Variants in LAD1 observed in about 807,000 individuals in gnomAD.
LAD1 encodes the protein ladinin 1, also known as ladinin-1.
In LAD1, 53 loss-of-function variants were observed where a neutral mutation model predicts 54.2. That is an observed-to-expected ratio of 0.98 (90% CI 0.78 to 1.23). The LOEUF is 1.23. Among genes scored for constraint, LAD1 ranks in the 50% most tolerant of loss-of-function variants. The pLI is 0.00. For missense variants in LAD1, 637 were observed against 653.3 expected (o/e 0.98, Z 0.27); for synonymous variants, 231 against 257.7 (o/e 0.90, Z 0.99).
In LAD1 at chr1:201,382,717, AC is replaced by A; in HGVS notation, c.1408del (p.Val470LeufsTer2). The A allele has an allele frequency of 1.2e-6, 2 of 1,606,464 alleles. No individual in the cohort carries two copies. Among genetic ancestry groups the A allele is most frequent in the Non-Finnish European group, 1.7e-6 (2 of 1,176,772 alleles). On this transcript the variant is annotated frameshift_variant, in exon 8 of 10. Coordinates refer to ENST00000391967, the MANE Select transcript of LAD1 (RefSeq NM_005558.4). LOFTEE classifies it high-confidence loss of function. ...SRKENLRLSGVVTSRLNLWIS... is the reference protein window; with the variant it reads ...SRKENLRLSGXVTSRLNLWIS... ...CCACAGGTTGAGCCTTGATGTCACAACCCCTGAGAGCCTCAAGTTCTCCTAA... is the reference window on the plus strand; with the variant it reads ...CCACAGGTTGAGCCTTGATGTCACAACCCTGAGAGCCTCAAGTTCTCCTAA...
At chr1:201,391,420 C>T (rs1468771069) in intron 1 of LAD1, among the ~76,000 whole-genome samples, 1 of 152,196 alleles carries the variant, frequency 6.6e-6, no homozygotes, top group African/African-American at 2.4e-5. Flanking sequence ...TACCTACCAC[C>T]TCCCACCAGC....
intron 1 of LAD1, among the ~76,000 whole-genome samples, chr1:201,397,687 A>G (rs571986478): frequency 1.2e-4 from 18 of 152,308 alleles, no homozygotes; most frequent in African/African-American, 4.1e-4. Context: ...TGAGGTCTTC[A>G]ATAAACAGTT....
intron 1 of LAD1, among the ~76,000 whole-genome samples, chr1:201,391,467 A>C (rs1271734346): frequency 3.3e-5 from 5 of 152,144 alleles, no homozygotes; most frequent in Admixed American, 3.3e-4. Flanking sequence ...CAGTCCAACC[A>C]AACAGCAAAT....
chr1:201,388,676 C>A (rs569274872), intron 2 of LAD1, among the ~76,000 whole-genome samples: 1 of 129,822 alleles, frequency 7.7e-6, no homozygotes, highest in African/African-American at 2.9e-5. Context: ...AGCGAGACTT[C>A]GTCTCAAAAA....
intron 2 of LAD1, among the ~76,000 whole-genome samples, chr1:201,388,261 G>C (rs1662133613): frequency 6.6e-6 from 1 of 152,134 alleles, no homozygotes; most frequent in African/African-American, 2.4e-5. Context: ...CATGGTGGCA[G>C]GTGCCTTTAA....
At chr1:201,394,879 AG>A (rs1387946135) in intron 1 of LAD1, among the ~76,000 whole-genome samples, 1 of 152,192 alleles carries the variant, frequency 6.6e-6, no homozygotes, top group Non-Finnish European at 1.5e-5. Context: ...TGGAGCCTCC[AG>A]GGTTCCTGGG....
intron 2 of LAD1, among the ~76,000 whole-genome samples, chr1:201,388,863 A>G (rs1368695966): frequency 6.6e-6 from 1 of 152,168 alleles, no homozygotes; most frequent in Non-Finnish European, 1.5e-5. Flanking sequence ...CACCTGTAAA[A>G]TGGGTTAACA....
intron 1 of LAD1, chr1:201,391,272 A>G (rs1004731918): frequency 1.2e-5 from 5 of 403,284 alleles, no homozygotes; most frequent in Admixed American, 3.1e-5. Context: ...TTCCTGCCCC[A>G]GTCACCCTTC....
Position 201,389,198 on chromosome 1 carries a change from G to A in LAD1, c.144C>T (p.Leu48=). Residue 48 remains leucine, a synonymous_variant, in exon 2 of 10, where the codon CTC becomes CTT. Coordinates refer to ENST00000391967, the MANE Select transcript of LAD1 (RefSeq NM_005558.4). ...AGGCCTGCCGGTCTCCATTCTGGCT[G>A]AGCCTGGGAGCCTCATCGTCCGTGG... The part of the protein sequence containing the change: ...SSTTDDEAPR[L]SQNGDRQASA... 6.2e-7 allele frequency: 1 copy of A among 1,614,220 alleles called. No individual in the cohort carries two copies. Among genetic ancestry groups the A allele is most frequent in the South Asian group, 1.1e-5 (1 of 91,084 alleles).
chr1:201,391,898 T>C (rs989203912), intron 1 of LAD1, among the ~76,000 whole-genome samples: 2 of 152,190 alleles, frequency 1.3e-5, no homozygotes, highest in African/African-American at 4.8e-5. Flanking sequence ...CCCCCTGCAT[T>C]GTCTGCAAAT....
chr1:201,393,566 T>G (rs955981454), intron 1 of LAD1, among the ~76,000 whole-genome samples: 2 of 151,816 alleles, frequency 1.3e-5, no homozygotes, highest in Non-Finnish European at 2.9e-5. Context: ...GCCAATATGG[T>G]GAAACCCTGT....
Position 201,383,237 on chromosome 1 carries a change from G to A in LAD1, c.1249-26C>T, listed in dbSNP as rs546826878. The A allele has an allele frequency of 1.6e-4, 257 of 1,613,892 alleles. 4 individuals carry two copies. In the South Asian group the frequency reaches 2.8e-3, roughly 17 times the overall value. Reference sequence around the variant, plus strand: ...CTGGGAACCAAGAACACCAACAGCTGACCCATGCTGGGGAGGGGAAAGGGC... The same window carrying A: ...CTGGGAACCAAGAACACCAACAGCTAACCCATGCTGGGGAGGGGAAAGGGC... On this transcript the variant is annotated intron_variant, in intron 6 of 9. Transcript: ENST00000391967.
chr1:201,398,118 C>T (rs950786004), intron 1 of LAD1, among the ~76,000 whole-genome samples: 14 of 152,082 alleles, frequency 9.2e-5, no homozygotes, highest in African/African-American at 3.1e-4. Flanking sequence ...CAGTCCCAGG[C>T]GATGAGCTGC....
Position 201,385,822 on chromosome 1 carries a change from G to C in LAD1, c.1027-17C>G. 1.3e-6 allele frequency: 2 copies of C among 1,585,628 alleles called. No individual in the cohort carries two copies. The highest frequency in any genetic ancestry group is 1.1e-5 in the South Asian group (1 of 90,468). On this transcript the variant is annotated splice_polypyrimidine_tract_variant and intron_variant, in intron 3 of 9. Coordinates refer to ENST00000391967, the MANE Select transcript of LAD1 (RefSeq NM_005558.4). ...GATTTTCACCTGGATGGAGCAGGGG[G>C]AGTGTCACATAAGAGGTCTAGGGCC...
chr1:201,399,223 G>T (rs781011908), intron 1 of LAD1, 46 bp downstream of exon 1: 12 of 1,483,296 alleles, frequency 8.1e-6, no homozygotes, highest in South Asian at 7.2e-5. Context: ...AGACCCAAAG[G>T]CTCCCCGCCG....
At chr1:201,394,247 G>A (rs921338234) in intron 1 of LAD1, among the ~76,000 whole-genome samples, 6 of 152,160 alleles carry the variant, frequency 3.9e-5, no homozygotes, top group South Asian at 2.1e-4. Flanking sequence ...ATGCCGAGGC[G>A]CACAAAGGGG....
At position 201,381,544 on chromosome 1, in the gene LAD1, C is replaced by A; in HGVS notation, c.*344G>T. 4 of 379,438 alleles carry A rather than the reference C, an allele frequency of 1.1e-5. No homozygotes were observed. Among genetic ancestry groups the A allele is most frequent in the South Asian group, 7.6e-5 (3 of 39,362 alleles). The allele number at this position is 379,438 out of a possible 1,614,324, so 23.5% of individuals were successfully genotyped here. A position where few individuals can be genotyped will look rare whatever the true frequency, so the allele number is the denominator to read the frequency against. ...TCTGGAGTTCTTGAGGGGCGCCGTG[C>A]CCTGACTGTGGATGTGAGCAGGAAG... On this transcript the variant is annotated 3_prime_UTR_variant, in exon 10 of 10. Coordinates refer to ENST00000391967, the MANE Select transcript of LAD1 (RefSeq NM_005558.4).
chr1:201,382,430 CAA>C, intron 8 of LAD1, 104 bp from the exon 9 acceptor site: 1 of 1,011,748 alleles, frequency 9.9e-7, no homozygotes. Context: ...TTTCTCTTCC[CAA>C]AAGAGAAAAG....
intron 5 of LAD1, among the ~76,000 whole-genome samples, chr1:201,384,187 A>G (rs1273405215): frequency 6.7e-6 from 1 of 148,890 alleles, no homozygotes; most frequent in Non-Finnish European, 1.5e-5. Flanking sequence ...TTGTCTTTGT[A>G]CTCCTCCTCC....
Sources: allele counts gnomAD v4.1 joint callset (sites outside exome capture counted in the v4.1 genomes callset), GRCh38; gene constraint gnomAD v4.1.1; transcripts MANE v1.5; gene names NCBI Gene and HGNC (gene_info 2026-07-23, HGNC 2026-07-21).